TEX14: variants seen among roughly 807,000 people sequenced by gnomAD.
TEX14 encodes testis expressed 14, intercellular bridge forming factor, also known as inactive serine/threonine-protein kinase TEX14.
Under a neutral mutation model 178.6 loss-of-function variants are expected in TEX14, and 168 were observed. That is an observed-to-expected ratio of 0.94 (90% CI 0.83 to 1.07). The LOEUF (loss-of-function observed/expected upper bound fraction) is 1.07, where lower values mean the gene tolerates loss of function less well. Among genes scored for constraint, TEX14 ranks in the 50% least tolerant of loss-of-function variants. The probability of loss-of-function intolerance (pLI) is 0.00; values close to 1 mark genes in which losing one functional copy is unlikely to be tolerated. For synonymous variants in TEX14, 626 were observed against 634.1 expected (o/e 0.99, Z 0.19); for missense variants, 1,730 against 1,753.6 (o/e 0.99, Z 0.24).
At chr17:58,659,347 A>T (rs2047058802) in intron 1 of TEX14, 1 of 983,440 alleles carries the variant, frequency 1.0e-6, no homozygotes. Flanking sequence ...CGTCCTCAAC[A>T]CACAACATAC....
At chr17:58,619,582 C>G (rs993332766) in intron 5 of TEX14, among the ~76,000 whole-genome samples, 14 of 152,108 alleles carry the variant, frequency 9.2e-5, no homozygotes, top group African/African-American at 3.4e-4. Flanking sequence ...CAGAGGCAGG[C>G]GGATCACCTG....
chr17:58,637,451 G>A (rs2046460598), intron 2 of TEX14, among the ~76,000 whole-genome samples: 1 of 152,194 alleles, frequency 6.6e-6, no homozygotes, highest in African/African-American at 2.4e-5. Context: ...TCTTAGCCCT[G>A]CTCCCCAACC....
intron 14 of TEX14, among the ~76,000 whole-genome samples, chr17:58,597,113 T>C (rs12940212): frequency 0.16 from 24,610 of 151,880 alleles, 2,420 homozygotes; most frequent in Non-Finnish European, 0.21. Flanking sequence ...AAAAGGGTGA[T>C]ATGGCCAGGC....
At chr17:58,560,302 G>A (rs2044248100) in intron 29 of TEX14, among the ~76,000 whole-genome samples, 1 of 152,186 alleles carries the variant, frequency 6.6e-6, no homozygotes, top group Non-Finnish European at 1.5e-5. Context: ...GCCAGCTAGA[G>A]TGAAGAGAGA....
At chr17:58,639,518 T>G (rs759632634) in intron 2 of TEX14, among the ~76,000 whole-genome samples, 6 of 151,886 alleles carry the variant, frequency 4.0e-5, no homozygotes, top group Admixed American at 3.9e-4. Flanking sequence ...CTGACCAACA[T>G]AGAGAAACCA....
In TEX14 at chr17:58,569,330, G is replaced by T; in HGVS notation, c.3818-70C>A. 1 of 1,200,096 alleles carries T rather than the reference G, an allele frequency of 8.3e-7. No individual in the cohort carries two copies. The highest frequency in any genetic ancestry group is 1.2e-6 in the Non-Finnish European group (1 of 813,432). 74.3% of individuals were successfully genotyped at this position (1,200,096 alleles called of 1,614,324 possible). A position where few individuals can be genotyped will look rare whatever the true frequency, so the allele number is the denominator to read the frequency against. On this transcript the variant is annotated intron_variant, in intron 25 of 31. Transcript: ENST00000349033. This position sits in a 1 kb window ranked among gnomAD's most constrained non-coding sequence, Gnocchi z 4.1. ...CTGGACCTGAACTGAATTTTTCTCGGCTCTCACATAGACTTGACTGAGGAT... is the reference window on the plus strand; with the variant it reads ...CTGGACCTGAACTGAATTTTTCTCGTCTCTCACATAGACTTGACTGAGGAT...
intron 1 of TEX14, chr17:58,661,649 G>C: frequency 1.5e-6 from 1 of 649,422 alleles, no homozygotes; most frequent in East Asian, 2.6e-5. Flanking sequence ...CTGGACACAC[G>C]TAAAGATTCT....
chr17:58,568,687 T>C (rs1051453579), intron 26 of TEX14, among the ~76,000 whole-genome samples: 2 of 152,234 alleles, frequency 1.3e-5, no homozygotes, highest in Non-Finnish European at 2.9e-5. Context: ...TGGTAACTGC[T>C]CTGCCTGAAA....
chr17:58,643,874 CAAAAAAAAAAA>C (rs71143262), intron 2 of TEX14, among the ~76,000 whole-genome samples: 35 of 20,538 alleles, frequency 1.7e-3, no homozygotes, highest in African/African-American at 4.1e-3. Flanking sequence ...GACTCTGTCT[CAAAAAAAAAAA>C]AAAAAAAAAA....
At position 58,661,905 on chromosome 17, in the gene TEX14, T is replaced by A. The variant is rs538672508; in HGVS notation, c.-1-9903A>T. The A allele has an allele frequency of 9.8e-5, 24 of 244,322 alleles. No individual in the cohort carries two copies. In the East Asian group the frequency reaches 1.8e-3, roughly 18 times the overall value. 15.1% of individuals were successfully genotyped at this position (244,322 alleles called of 1,614,324 possible). On this transcript the variant is annotated intron_variant, in intron 1 of 31. Transcript: ENST00000349033. ...TGTGAGGACTGAATAAGAGAATGCA[T>A]GTAAAAATGCAGCTACCCCCAACCC...
chr17:58,615,921 G>C (rs903282632), intron 7 of TEX14, among the ~76,000 whole-genome samples: 1 of 152,186 alleles, frequency 6.6e-6, no homozygotes, highest in African/African-American at 2.4e-5. Flanking sequence ...GGCTGTAAGG[G>C]ACTGCAACTG....
intron 10 of TEX14, 61 bp downstream of exon 10, chr17:58,611,100 T>C: frequency 1.7e-5 from 21 of 1,263,606 alleles, no homozygotes; most frequent in Middle Eastern, 1.9e-4. Context: ...TCTGTCTCTA[T>C]AGGAAGGGTC....
chr17:58,564,014 A>C (rs928526500), intron 28 of TEX14: 10 of 151,972 alleles, frequency 6.6e-5, no homozygotes, highest in Non-Finnish European at 1.5e-4. Flanking sequence ...CTCCACCCCC[A>C]CAAAAAGAGA....
At chr17:58,675,056 G>T (rs652942) in intron 1 of TEX14, among the ~76,000 whole-genome samples, 1 of 151,376 alleles carries the variant, frequency 6.6e-6, no homozygotes, top group Non-Finnish European at 1.5e-5. Flanking sequence ...TGAGGCATGA[G>T]AATCACTTGA....
chr17:58,569,191 C>A lies in TEX14; in HGVS notation c.3886+1G>T. 6.2e-7 allele frequency: 1 copy of A among 1,612,968 alleles called. No homozygotes were observed. Among genetic ancestry groups the A allele is most frequent in the Non-Finnish European group, 8.5e-7 (1 of 1,178,968 alleles). On this transcript the variant is annotated splice_donor_variant, in intron 26 of 31. Coordinates refer to ENST00000349033, the MANE Select transcript of TEX14 (RefSeq NM_031272.5). LOFTEE classifies it high-confidence loss of function. The surrounding 1 kb of genome is among the most constrained non-coding windows in gnomAD (Gnocchi z 4.1). ...TATATTCTGTATTGAACATCTCTTA[C>A]CAATGTCATCAAGTAGCTCCTGAGA...
At chr17:58,660,358 G>A (rs2047083112) in intron 1 of TEX14, 2 of 264,538 alleles carry the variant, frequency 7.6e-6, no homozygotes, top group Non-Finnish European at 1.4e-5. Context: ...CCGAGATCGC[G>A]CCATTGCACT....
rs151028798 is a variant in TEX14 at position 58,662,339 on chromosome 17, A to G, written c.-1-10337T>C. Among the ~76,000 whole-genome samples the G allele has an allele frequency of 2.9e-3, 440 of 151,592 alleles. 2 individuals are homozygous for G. Among genetic ancestry groups the G allele is most frequent in the African/African-American group, 0.01 (425 of 41,298 alleles). ...GTGGCGGGTGCCTGTAATCCCAGCTACTCAGGAGGCTGAGGCAGGAGAATT... is the reference window on the plus strand; with the variant it reads ...GTGGCGGGTGCCTGTAATCCCAGCTGCTCAGGAGGCTGAGGCAGGAGAATT... On this transcript the variant is annotated intron_variant, in intron 1 of 31. Coordinates refer to ENST00000349033, the MANE Select transcript of TEX14 (RefSeq NM_031272.5).
chr17:58,657,537 CAG>C (rs1263457842), intron 1 of TEX14, among the ~76,000 whole-genome samples: 2 of 89,732 alleles, frequency 2.2e-5, no homozygotes, highest in Admixed American at 3.8e-4. Context: ...TTTTTTGAGA[CAG>C]AGTCTTGCTC....
intron 3 of TEX14, among the ~76,000 whole-genome samples, chr17:58,626,983 T>TA (rs1336897119): frequency 1.3e-5 from 2 of 152,196 alleles, no homozygotes; most frequent in Non-Finnish European, 2.9e-5. Flanking sequence ...CATCAGATAT[T>TA]TTTTAAGTCA....
Sources: allele counts gnomAD v4.1 joint callset (sites outside exome capture counted in the v4.1 genomes callset), GRCh38; gene constraint gnomAD v4.1.1; non-coding constraint Gnocchi (gnomAD v3.1); transcripts MANE v1.5; gene names NCBI Gene and HGNC (gene_info 2026-07-23, HGNC 2026-07-21).